The following GABRB3 variants were observed in gnomAD, a reference collection of about 807,000 sequenced individuals.
The protein encoded by GABRB3 is gamma-aminobutyric acid type A receptor subunit beta3.
Under a neutral mutation model 52.1 loss-of-function variants are expected in GABRB3, and 14 were observed. That is an observed-to-expected ratio of 0.27 (90% CI 0.18 to 0.42). GABRB3 has a LOEUF of 0.42. Ranked by LOEUF, GABRB3 falls within the 10% of genes least tolerant of loss-of-function variation. The pLI is 1.00. For synonymous variants in GABRB3, 260 were observed against 232.3 expected (o/e 1.12, Z -1.08); for missense variants, 307 against 609.1 (o/e 0.50, Z 5.22).
chr15:26,671,663 T>G (rs1887901623), intron 3 of GABRB3, among the ~76,000 whole-genome samples: 1 of 152,254 alleles, frequency 6.6e-6, no homozygotes, highest in Non-Finnish European at 1.5e-5. Context: ...GGGTAGGCTT[T>G]CCTGCTAGAA....
intron 3 of GABRB3, among the ~76,000 whole-genome samples, chr15:26,697,979 C>T (rs1194876974): frequency 6.6e-6 from 1 of 152,218 alleles, no homozygotes; most frequent in East Asian, 1.9e-4. Context: ...GGCATTTCAA[C>T]TTACCCCACC....
intron 3 of GABRB3, among the ~76,000 whole-genome samples, chr15:26,668,012 A>G (rs1320849801): frequency 6.6e-6 from 1 of 152,164 alleles, no homozygotes; most frequent in African/African-American, 2.4e-5. Flanking sequence ...AGGAAACAAG[A>G]TTCCCTGCGT....
At chr15:26,554,176 G>GAGTGTATGTATATATATATA (rs71420007) in intron 8 of GABRB3, among the ~76,000 whole-genome samples, 1 of 27,334 alleles carries the variant, frequency 3.7e-5, no homozygotes, top group African/African-American at 1.1e-4. Context: ...TATATATAAA[G>GAGTGTATGTATATATATATA]TATATATATA....
chr15:26,616,902 C>T (rs1892275955), intron 4 of GABRB3, among the ~76,000 whole-genome samples: 2 of 151,938 alleles, frequency 1.3e-5, no homozygotes, highest in South Asian at 2.1e-4. Flanking sequence ...AGAGTTAAAG[C>T]TCTTTGCTTT....
intron 3 of GABRB3, among the ~76,000 whole-genome samples, chr15:26,768,046 T>C (rs1216749387): frequency 6.6e-6 from 1 of 152,030 alleles, no homozygotes; most frequent in African/African-American, 2.4e-5. Flanking sequence ...TATAAGAAAA[T>C]GCAACAAGTG....
At chr15:26,716,646 G>A in intron 3 of GABRB3, 1 of 1,003,524 alleles carries the variant, frequency 1.0e-6, no homozygotes, top group Non-Finnish European at 1.2e-6. Context: ...GGTTCTCACT[G>A]CCAACAGCAA....
intron 4 of GABRB3, among the ~76,000 whole-genome samples, chr15:26,584,616 T>C (rs997620469): frequency 6.6e-6 from 1 of 152,178 alleles, no homozygotes; most frequent in Non-Finnish European, 1.5e-5. Flanking sequence ...CCAAAAGCAG[T>C]TAAGGCTCCA....
intron 3 of GABRB3, among the ~76,000 whole-genome samples, chr15:26,625,262 T>C (rs1411842384): frequency 1.3e-5 from 2 of 152,046 alleles, no homozygotes; most frequent in South Asian, 2.1e-4. Flanking sequence ...AGTCAGGTCA[T>C]GCAGGGGGGT....
In GABRB3 at chr15:26,727,153, G is replaced by A. The variant is rs569526436; in HGVS notation, c.240+45249C>T. On this transcript the variant is annotated intron_variant, in intron 3 of 8. Coordinates refer to ENST00000311550, the MANE Select transcript of GABRB3 (RefSeq NM_000814.6). ...CAGCCTGGGCAACAGAACAAGACTC[G>A]GTCTCAGGAAAAAAGAAAAATCACT... 7.2e-5 allele frequency among the ~76,000 whole-genome samples: 11 copies of A among 152,048 alleles called. No homozygotes were observed. The East Asian group carries it at 1.4e-3, about 19-fold the overall frequency.
At chr15:26,646,606 AATAAC>A (rs1442267809) in intron 3 of GABRB3, among the ~76,000 whole-genome samples, 1 of 152,072 alleles carries the variant, frequency 6.6e-6, no homozygotes, top group Non-Finnish European at 1.5e-5. Flanking sequence ...TCATATGGTA[AATAAC>A]ATAAGAAACC....
At chr15:26,618,676 T>G (rs1283388742) in intron 4 of GABRB3, among the ~76,000 whole-genome samples, 2 of 152,090 alleles carry the variant, frequency 1.3e-5, no homozygotes, top group Non-Finnish European at 2.9e-5. Context: ...TGGGATCTAA[T>G]TAAACTAAAG....
intron 3 of GABRB3, among the ~76,000 whole-genome samples, chr15:26,662,231 G>A (rs879767977): frequency 1.3e-5 from 2 of 152,194 alleles, no homozygotes; most frequent in Non-Finnish European, 2.9e-5. Context: ...AGGCATTGCT[G>A]TTACCACAGA....
chr15:26,684,756 A>G (rs1417167104), intron 3 of GABRB3, among the ~76,000 whole-genome samples: 1 of 152,140 alleles, frequency 6.6e-6, no homozygotes, highest in Non-Finnish European at 1.5e-5. Flanking sequence ...GAACACACAC[A>G]ACACTGATGG....
intron 3 of GABRB3, among the ~76,000 whole-genome samples, chr15:26,764,787 C>A (rs1890950916): frequency 6.6e-6 from 1 of 152,144 alleles, no homozygotes; most frequent in South Asian, 2.1e-4. Context: ...CACGGCACTG[C>A]TGAGTGGGCA....
chr15:26,568,831 G>A (rs56391612), intron 6 of GABRB3, among the ~76,000 whole-genome samples: 1 of 151,922 alleles, frequency 6.6e-6, no homozygotes, highest in Non-Finnish European at 1.5e-5. Flanking sequence ...GCTTTTCTTA[G>A]AGCAAGGCAA....
At chr15:26,683,059 C>T (rs1888288272) in intron 3 of GABRB3, among the ~76,000 whole-genome samples, 1 of 151,898 alleles carries the variant, frequency 6.6e-6, no homozygotes, top group South Asian at 2.1e-4. Flanking sequence ...TCTTCCTCTG[C>T]TTCAAAACAG....
Position 26,546,316 on chromosome 15 carries a change from C to A in GABRB3, c.*1477G>T, listed in dbSNP as rs1162937469. 1 of 146,636 alleles carries A rather than the reference C, an allele frequency of 6.8e-6. No homozygotes were observed. Among genetic ancestry groups the A allele is most frequent in the Non-Finnish European group, 1.5e-5 (1 of 66,212 alleles). The allele number at this position is 146,636 out of a possible 1,614,324, so 9.1% of individuals were successfully genotyped here. A position where few individuals can be genotyped will look rare whatever the true frequency, so the allele number is the denominator to read the frequency against. ...AAAATATATCATCTCTTTTTTTTTTCTTTAGAAAGATCTCATCTAAATAGT... is the reference window on the plus strand; with the variant it reads ...AAAATATATCATCTCTTTTTTTTTTATTTAGAAAGATCTCATCTAAATAGT... On this transcript the variant is annotated 3_prime_UTR_variant, in exon 9 of 9. Transcript: ENST00000311550.
At chr15:26,706,993 T>G (rs1331498087) in intron 3 of GABRB3, among the ~76,000 whole-genome samples, 5 of 152,172 alleles carry the variant, frequency 3.3e-5, no homozygotes, top group Non-Finnish European at 5.9e-5. Context: ...AGGTGCTAGG[T>G]GTCGGAGTGC....
At chr15:26,628,205 A>G (rs1037581319) in intron 3 of GABRB3, among the ~76,000 whole-genome samples, 2 of 152,288 alleles carry the variant, frequency 1.3e-5, no homozygotes, top group East Asian at 3.8e-4. Flanking sequence ...AAACCAAAAA[A>G]TTTGTGACTC....
Sources: allele counts gnomAD v4.1 joint callset (sites outside exome capture counted in the v4.1 genomes callset), GRCh38; gene constraint gnomAD v4.1.1; transcripts MANE v1.5; gene names NCBI Gene and HGNC (gene_info 2026-07-23, HGNC 2026-07-21).